Variants in ADARB2 observed in about 807,000 individuals in gnomAD.
ADARB2 encodes adenosine deaminase RNA specific B2 (inactive), also known as inactive double-stranded RNA-specific editase B2.
In ADARB2, 25 loss-of-function variants were observed where a neutral mutation model predicts 62.2. The ratio of observed to expected loss-of-function variants is 0.40; its 90% CI spans 0.29 to 0.56. ADARB2 has a LOEUF of 0.56. Ranked by LOEUF, ADARB2 falls within the 20% of genes least tolerant of loss-of-function variation. The pLI, the probability that ADARB2 is intolerant of heterozygous loss-of-function variation, is 0.43. For synonymous variants in ADARB2, 572 were observed against 500.8 expected (o/e 1.14, Z -1.90); for missense variants, 1,071 against 1,077.4 (o/e 0.99, Z 0.08).
intron 4 of ADARB2, among the ~76,000 whole-genome samples, chr10:1,259,780 C>A (rs112526358): frequency 7.2e-5 from 11 of 152,170 alleles, no homozygotes; most frequent in Admixed American, 2.0e-4. Flanking sequence ...AAAAGAGGGA[C>A]TCCTCCCTAA....
At chr10:1,561,709 C>T (rs895807311) in intron 1 of ADARB2, among the ~76,000 whole-genome samples, 17 of 152,130 alleles carry the variant, frequency 1.1e-4, no homozygotes, top group African/African-American at 1.7e-4. Flanking sequence ...TCTCATGCAC[C>T]GTACCCTAGA....
At chr10:1,697,534 C>T (rs1834762680) in intron 1 of ADARB2, among the ~76,000 whole-genome samples, 1 of 151,958 alleles carries the variant, frequency 6.6e-6, no homozygotes, top group African/African-American at 2.4e-5. Context: ...AGAAAAGATT[C>T]ATCTACACAG....
At chr10:1,553,387 C>T (rs558695234) in intron 1 of ADARB2, among the ~76,000 whole-genome samples, 18 of 152,282 alleles carry the variant, frequency 1.2e-4, no homozygotes, top group African/African-American at 4.1e-4. Flanking sequence ...AGGCAGGCAG[C>T]GGATTCTGAC....
chr10:1,189,448 T>C (rs1000160579), intron 8 of ADARB2, among the ~76,000 whole-genome samples: 2 of 152,016 alleles, frequency 1.3e-5, no homozygotes, highest in Admixed American at 6.5e-5. Context: ...GCGGTAGTTG[T>C]GGATAGAGCC....
chr10:1,210,535 G>C (rs766404724), intron 7 of ADARB2, among the ~76,000 whole-genome samples: 3 of 152,210 alleles, frequency 2.0e-5, no homozygotes, highest in Non-Finnish European at 2.9e-5. Context: ...GTTAGTGGCT[G>C]AGCAGAAGAC....
intron 1 of ADARB2, among the ~76,000 whole-genome samples, chr10:1,391,877 C>T (rs1485616204): frequency 6.8e-6 from 1 of 146,416 alleles, no homozygotes; most frequent in Non-Finnish European, 1.5e-5. Context: ...TGGGCTCAAG[C>T]GATCATCCCA....
chr10:1,694,493 G>A (rs1172181703), intron 1 of ADARB2, among the ~76,000 whole-genome samples: 1 of 151,912 alleles, frequency 6.6e-6, no homozygotes, highest in East Asian at 1.9e-4. Context: ...AACTGTACAT[G>A]CACGACCCAC....
intron 1 of ADARB2, among the ~76,000 whole-genome samples, chr10:1,612,625 G>C (rs762026844): frequency 6.6e-6 from 1 of 152,166 alleles, no homozygotes; most frequent in Admixed American, 6.5e-5. Flanking sequence ...GCCAGTGATA[G>C]AGCCAATATC....
At chr10:1,198,026 A>G (rs989719699) in intron 8 of ADARB2, among the ~76,000 whole-genome samples, 4 of 152,234 alleles carry the variant, frequency 2.6e-5, no homozygotes, top group Admixed American at 6.5e-5. Flanking sequence ...CCTTTAGGCT[A>G]TCTGTACTCA....
intron 1 of ADARB2, among the ~76,000 whole-genome samples, chr10:1,470,821 G>A (rs1002548557): frequency 2.6e-5 from 4 of 152,200 alleles, no homozygotes; most frequent in African/African-American, 9.7e-5. Flanking sequence ...AGCACTTTGG[G>A]AGGCTGAGGC....
chr10:1,576,071 GGTCACA>G, intron 1 of ADARB2, among the ~76,000 whole-genome samples: 1 of 106,812 alleles, frequency 9.4e-6, no homozygotes, highest in Middle Eastern at 4.4e-3. Flanking sequence ...GGGGGCCCAG[GGTCACA>G]GGAGGGGGCT....
At chr10:1,231,840 T>C (rs1830806911) in intron 6 of ADARB2, among the ~76,000 whole-genome samples, 1 of 152,054 alleles carries the variant, frequency 6.6e-6, no homozygotes, top group Non-Finnish European at 1.5e-5. Flanking sequence ...GGAGGAGGAA[T>C]GTTTCTGGGC....
chr10:1,225,913 T>A, intron 6 of ADARB2, among the ~76,000 whole-genome samples: 1 of 152,076 alleles, frequency 6.6e-6, no homozygotes, highest in Non-Finnish European at 1.5e-5. Context: ...TCGAGGAGTA[T>A]CTTTGTGGCG....
At chr10:1,696,893 C>T (rs1834753392) in intron 1 of ADARB2, among the ~76,000 whole-genome samples, 1 of 152,192 alleles carries the variant, frequency 6.6e-6, no homozygotes, top group Admixed American at 6.5e-5. Flanking sequence ...GCCTATGGGC[C>T]ACATGCAGCC....
At chr10:1,589,491 T>C (rs542222366) in intron 1 of ADARB2, among the ~76,000 whole-genome samples, 1 of 151,976 alleles carries the variant, frequency 6.6e-6, no homozygotes, top group South Asian at 2.1e-4. Flanking sequence ...GCATCCATGG[T>C]CAGGACATCC....
intron 1 of ADARB2, among the ~76,000 whole-genome samples, chr10:1,546,194 C>T (rs984422318): frequency 2.0e-5 from 3 of 152,294 alleles, no homozygotes; most frequent in South Asian, 2.1e-4. Context: ...TTCCCTGCTA[C>T]GTGAACTCCC....
At position 1,456,597 on chromosome 10, in the gene ADARB2, G is replaced by T. The variant is rs562535046; in HGVS notation, c.101-77437C>A. Among the ~76,000 whole-genome samples, 4 of 152,264 alleles carry T rather than the reference G, an allele frequency of 2.6e-5. No individual in the cohort carries two copies. The East Asian group carries it at 7.7e-4, about 29-fold the overall frequency. ...CTCTGCCTCAGCAACGATCCTGCAAGGGACCATTTTGGGGACTTGAAGGTT... is the reference window on the plus strand; with the variant it reads ...CTCTGCCTCAGCAACGATCCTGCAATGGACCATTTTGGGGACTTGAAGGTT... On this transcript the variant is annotated intron_variant, in intron 1 of 9. Coordinates refer to ENST00000381312, the MANE Select transcript of ADARB2 (RefSeq NM_018702.4).
intron 1 of ADARB2, among the ~76,000 whole-genome samples, chr10:1,462,744 T>C (rs1248428065): frequency 1.3e-5 from 2 of 152,044 alleles, no homozygotes; most frequent in Non-Finnish European, 2.9e-5. Flanking sequence ...TATGTGCCTG[T>C]GTGTATGTAT....
intron 1 of ADARB2, among the ~76,000 whole-genome samples, chr10:1,518,168 C>T (rs560763470): frequency 4.6e-5 from 7 of 152,302 alleles, no homozygotes; most frequent in East Asian, 3.9e-4. Flanking sequence ...CGAAACTCCC[C>T]GATCAGATCA....
Sources: gnomAD v4.1 joint callset for allele counts (sites outside exome capture counted in the v4.1 genomes callset) on GRCh38, gnomAD v4.1.1 for gene constraint, MANE v1.5 for transcripts, NCBI Gene and HGNC (gene_info 2026-07-23, HGNC 2026-07-21) for gene names.